The following QSOX1 variants were observed in gnomAD, a reference collection of about 807,000 sequenced individuals.
QSOX1 encodes quiescin sulfhydryl oxidase 1.
A neutral mutation model predicts 76.1 loss-of-function variants in QSOX1; 40 were observed. The ratio of observed to expected loss-of-function variants is 0.53; its 90% CI spans 0.41 to 0.68. The LOEUF is 0.68. QSOX1 is among the 30% of genes least tolerant of loss of function. QSOX1 has a pLI of 0.00. For missense variants in QSOX1, 931 were observed against 974.3 expected (o/e 0.96, Z 0.59); for synonymous variants, 392 against 413.1 (o/e 0.95, Z 0.62).
chr1:180,156,084 A>T (rs1001443083), intron 1 of QSOX1, among the ~76,000 whole-genome samples: 2 of 152,240 alleles, frequency 1.3e-5, no homozygotes, highest in African/African-American at 4.8e-5. Context: ...TGAAACACTT[A>T]AGACTTAGAG....
At chr1:180,187,990 T>C (rs1255731509) in intron 8 of QSOX1, among the ~76,000 whole-genome samples, 2 of 151,978 alleles carry the variant, frequency 1.3e-5, no homozygotes, top group Non-Finnish European at 2.9e-5. Context: ...CAGTGTTCTT[T>C]GTATATTAGC....
intron 1 of QSOX1, among the ~76,000 whole-genome samples, chr1:180,157,603 T>C (rs952701760): frequency 4.6e-5 from 7 of 152,144 alleles, no homozygotes; most frequent in Non-Finnish European, 1.0e-4. Flanking sequence ...TCTGACTGAA[T>C]AGGGTTCATT....
At position 180,155,159 on chromosome 1, in the gene QSOX1, C is replaced by A; in HGVS notation, c.252C>A (p.Ala84=). ...TCGCCCCGACGTGGAAGGCGCTGGCCGAAGACGTCAAAGGTGAGAAGCGGG... is the reference window on the plus strand; with the variant it reads ...TCGCCCCGACGTGGAAGGCGCTGGCAGAAGACGTCAAAGGTGAGAAGCGGG... ...IAFAPTWKAL[A]EDVKAWRPAL... The change falls in exon 1 of 12, where the codon GCC becomes GCA. Residue 84 remains alanine (A), a synonymous_variant. Coordinates refer to ENST00000367602, the MANE Select transcript of QSOX1 (RefSeq NM_002826.5). 2 of 1,516,526 alleles carry A rather than the reference C, an allele frequency of 1.3e-6. No individual in the cohort carries two copies. The highest frequency in any genetic ancestry group is 2.4e-5 in the South Asian group (2 of 82,232). 93.9% of individuals were successfully genotyped at this position (1,516,526 alleles called of 1,614,324 possible). A position where few individuals can be genotyped will look rare whatever the true frequency, so the allele number is the denominator to read the frequency against.
At position 180,202,268 on chromosome 1, in the gene QSOX1, G is replaced by A. The variant is rs1163978352; in HGVS notation, c.*5231G>A. On this transcript the variant is annotated 3_prime_UTR_variant, in exon 12 of 12. Transcript: ENST00000367602. ...GTAGCTCCAGCTGCTGCTTTGGCAAGACTTGGTCGTCTCTATACTGAGAGA... is the reference window on the plus strand; with the variant it reads ...GTAGCTCCAGCTGCTGCTTTGGCAAAACTTGGTCGTCTCTATACTGAGAGA... The A allele has an allele frequency of 6.6e-6, 1 of 152,306 alleles. No individual in the cohort carries two copies. The highest frequency in any genetic ancestry group is 1.5e-5 in the Non-Finnish European group (1 of 68,106). 9.4% of individuals were successfully genotyped at this position (152,306 alleles called of 1,614,324 possible). A position where few individuals can be genotyped will look rare whatever the true frequency, so the allele number is the denominator to read the frequency against.
chr1:180,186,119 G>A lies in QSOX1; in HGVS notation c.954G>A (p.Arg318=). Residue 318 remains arginine (R), a synonymous_variant, in exon 8 of 12, where the codon AGG becomes AGA. Transcript: ENST00000367602. ...ACATCCTGCGGATAGAAGTGGGCAG[G>A]TTCCCGGTCCTGGAAGGGCAGCGCC... is the stretch of plus-strand genomic sequence containing the variant. ...LHYILRIEVG[R]FPVLEGQRLV... is the part of the protein sequence containing the mutation. 6.2e-7 allele frequency: 1 copy of A among 1,614,236 alleles called. No homozygotes were observed. The highest frequency in any genetic ancestry group is 8.5e-7 in the Non-Finnish European group (1 of 1,180,042).
chr1:180,156,709 T>C (rs917915707), intron 1 of QSOX1, among the ~76,000 whole-genome samples: 1 of 152,218 alleles, frequency 6.6e-6, no homozygotes, highest in African/African-American at 2.4e-5. Flanking sequence ...TTCTGAGCAG[T>C]GCTTCACACC....
At chr1:180,161,154 C>T (rs988759461) in intron 1 of QSOX1, among the ~76,000 whole-genome samples, 3 of 151,924 alleles carry the variant, frequency 2.0e-5, no homozygotes, top group Non-Finnish European at 4.4e-5. Flanking sequence ...GAGCAAGACT[C>T]CATCTAAAAT....
In QSOX1 at chr1:180,199,042, C is replaced by G. The variant is rs1006863412; in HGVS notation, c.*2005C>G. 1 of 155,786 alleles carries G rather than the reference C, an allele frequency of 6.4e-6. No individual in the cohort carries two copies. Among genetic ancestry groups the G allele is most frequent in the Non-Finnish European group, 1.4e-5 (1 of 70,262 alleles). 9.7% of individuals were successfully genotyped at this position (155,786 alleles called of 1,614,324 possible). The stretch of plus-strand genomic sequence containing the variant: ...TGTTGGAAACACTGTCGCAGCAGCC[C>G]GGGCTGCACAGTGTGTAGCCCAGCC... On this transcript the variant is annotated 3_prime_UTR_variant, in exon 12 of 12. Coordinates refer to ENST00000367602, the MANE Select transcript of QSOX1 (RefSeq NM_002826.5).
rs1041380112 is a variant in QSOX1, at chr1:180,203,633, C to T, written c.*6596C>T. Reference sequence around the variant, plus strand: ...AATTTGTAGGAGGCCACTGATTTGGCCTAGGCTCCTATGATGTAACCAACA... The same window carrying T: ...AATTTGTAGGAGGCCACTGATTTGGTCTAGGCTCCTATGATGTAACCAACA... On this transcript the variant is annotated 3_prime_UTR_variant, in exon 12 of 12. Coordinates refer to ENST00000367602, the MANE Select transcript of QSOX1 (RefSeq NM_002826.5). The T allele has an allele frequency of 1.2e-4, 19 of 152,206 alleles. No homozygotes were observed. Among genetic ancestry groups the T allele is most frequent in the Non-Finnish European group, 2.6e-4 (18 of 68,034 alleles). 9.4% of individuals were successfully genotyped at this position (152,206 alleles called of 1,614,324 possible). A position where few individuals can be genotyped will look rare whatever the true frequency, so the allele number is the denominator to read the frequency against.
intron 5 of QSOX1, among the ~76,000 whole-genome samples, chr1:180,179,414 C>G (rs1662975111): frequency 6.6e-6 from 1 of 152,222 alleles, no homozygotes; most frequent in Admixed American, 6.5e-5. Context: ...TGAGCCAGCT[C>G]CCCAGCGCTT....
intron 8 of QSOX1, among the ~76,000 whole-genome samples, chr1:180,188,376 G>T (rs921694775): frequency 5.9e-5 from 9 of 152,256 alleles, no homozygotes; most frequent in Non-Finnish European, 1.2e-4. Flanking sequence ...TGGGTGGCGT[G>T]TGGGCACCAG....
chr1:180,175,087 G>A (rs529825724), intron 2 of QSOX1, among the ~76,000 whole-genome samples: 2 of 151,478 alleles, frequency 1.3e-5, no homozygotes, highest in African/African-American at 4.8e-5. Context: ...AACCTGGGAG[G>A]CAGAGCTTGC....
Position 180,197,985 on chromosome 1 carries a change from T to A in QSOX1, c.*948T>A, listed in dbSNP as rs1366030941. 6 of 358,538 alleles carry A rather than the reference T, an allele frequency of 1.7e-5. No individual in the cohort carries two copies. Among genetic ancestry groups the A allele is most frequent in the Non-Finnish European group, 3.4e-5 (6 of 178,132 alleles). The allele number at this position is 358,538 out of a possible 1,614,324, so 22.2% of individuals were successfully genotyped here. On this transcript the variant is annotated 3_prime_UTR_variant, in exon 12 of 12. Coordinates refer to ENST00000367602, the MANE Select transcript of QSOX1 (RefSeq NM_002826.5). ...CCTTACACATGCTTGATTCCCACGC[T>A]ACCCCCTGCCTTGGGAGGTGTGTGG...
chr1:180,166,427 G>C, intron 1 of QSOX1, 64 bp from the exon 2 acceptor site: 1 of 1,335,906 alleles, frequency 7.5e-7, no homozygotes, highest in South Asian at 1.2e-5. Flanking sequence ...TGCATTAGGG[G>C]AGATGGGCGG....
intron 2 of QSOX1, among the ~76,000 whole-genome samples, chr1:180,172,044 GC>G (rs1381154942): frequency 6.6e-6 from 1 of 152,196 alleles, no homozygotes; most frequent in East Asian, 1.9e-4. Context: ...TGGCCAGAGA[GC>G]AGTCTGAGGA....
intron 2 of QSOX1, among the ~76,000 whole-genome samples, chr1:180,174,983 C>G (rs1030886141): frequency 6.6e-6 from 1 of 151,764 alleles, no homozygotes; most frequent in Non-Finnish European, 1.5e-5. Flanking sequence ...AACCCCATCT[C>G]TACTAAAAAT....
At chr1:180,191,720 T>TA (rs1420799944) in intron 10 of QSOX1, among the ~76,000 whole-genome samples, 1 of 152,164 alleles carries the variant, frequency 6.6e-6, no homozygotes, top group African/African-American at 2.4e-5. Context: ...GGGAAAGGCT[T>TA]CCCTGTGGAG....
chr1:180,165,536 G>A (rs1299971919), intron 1 of QSOX1, among the ~76,000 whole-genome samples: 1 of 152,258 alleles, frequency 6.6e-6, no homozygotes, highest in African/African-American at 2.4e-5. Flanking sequence ...GACGGTCTAG[G>A]TTCAACTCTG....
At chr1:180,181,120 A>G (rs16855391) in intron 5 of QSOX1, among the ~76,000 whole-genome samples, 20,976 of 152,210 alleles carry the variant, frequency 0.14, 1,611 homozygotes, top group Middle Eastern at 0.22. Context: ...TGTGGACACT[A>G]CATAATACCT....
Sources: gnomAD v4.1 joint callset for allele counts (sites outside exome capture counted in the v4.1 genomes callset) on GRCh38, gnomAD v4.1.1 for gene constraint, MANE v1.5 for transcripts, NCBI Gene and HGNC (gene_info 2026-07-23, HGNC 2026-07-21) for gene names.